CAMK2A: variants seen among roughly 807,000 people sequenced by gnomAD.
CAMK2A encodes calcium/calmodulin dependent protein kinase II alpha.
In CAMK2A, 7 loss-of-function variants were observed where a neutral mutation model predicts 79.2. That is an observed-to-expected ratio of 0.09 (90% CI 0.05 to 0.17). CAMK2A has a LOEUF of 0.17. Ranked by LOEUF, CAMK2A falls within the 10% of genes least tolerant of loss-of-function variation. CAMK2A has a pLI of 1.00. For missense variants in CAMK2A, 214 were observed against 646.4 expected (o/e 0.33, Z 7.25); for synonymous variants, 242 against 251.7 (o/e 0.96, Z 0.36).
intron 14 of CAMK2A, 130 bp from the exon 15 acceptor site, chr5:150,238,878 T>A: frequency 1.4e-6 from 1 of 738,346 alleles, no homozygotes; most frequent in Non-Finnish European, 2.2e-6. Flanking sequence ...GATGCTGTCC[T>A]GAAAACCCTG....
Position 150,239,872 on chromosome 5 carries a change from A to G in CAMK2A, c.985-136T>C, listed in dbSNP as rs1490994244. On this transcript the variant is annotated intron_variant, in intron 13 of 18. Coordinates refer to ENST00000671881, the MANE Select transcript of CAMK2A (RefSeq NM_015981.4). ...CTCTGTAGTCCTTTGTCGGCTTGGC[A>G]TCGGGACAAGGAGTCAAGGAGTCAA... The G allele has an allele frequency of 6.4e-6, 5 of 780,066 alleles. No individual in the cohort carries two copies. The African/African-American group carries it at 8.5e-5, about 13-fold the overall frequency. 48.3% of individuals were successfully genotyped at this position (780,066 alleles called of 1,614,324 possible). A position where few individuals can be genotyped will look rare whatever the true frequency, so the allele number is the denominator to read the frequency against.
At chr5:150,236,826 G>A (rs1755089424) in intron 15 of CAMK2A, among the ~76,000 whole-genome samples, 1 of 152,188 alleles carries the variant, frequency 6.6e-6, no homozygotes, top group South Asian at 2.1e-4. Context: ...CTAGAATGCT[G>A]ACTTGACCCT....
At chr5:150,240,704 C>A (rs2114044003) in intron 13 of CAMK2A, among the ~76,000 whole-genome samples, 1 of 152,340 alleles carries the variant, frequency 6.6e-6, no homozygotes, top group African/African-American at 2.4e-5. Context: ...CAGAGAGGTG[C>A]AGTGGCCTGC....
rs1265889817 is a variant in CAMK2A at position 150,221,192 on chromosome 5, A to T, written c.*1518T>A. 7 of 376,286 alleles carry T rather than the reference A, an allele frequency of 1.9e-5. No homozygotes were observed. The East Asian group carries it at 2.7e-4, about 14-fold the overall frequency. The allele number at this position is 376,286 out of a possible 1,614,324, so 23.3% of individuals were successfully genotyped here. ...TTTCTTCTTTTTGTTTGTTTTCAAC[A>T]TACTTACTGCGTATAAAGTCATGCA... On this transcript the variant is annotated 3_prime_UTR_variant, in exon 19 of 19. Transcript: ENST00000671881.
In CAMK2A at chr5:150,250,668, T is replaced by G; in HGVS notation, c.816+20A>C. Reference sequence around the variant, plus strand: ...GGTCTGGAGGGGCTCCTGGGAGAAGTCCTGCTGAGGAAGGCTCACCGAGAT... The same window carrying G: ...GGTCTGGAGGGGCTCCTGGGAGAAGGCCTGCTGAGGAAGGCTCACCGAGAT... On this transcript the variant is annotated intron_variant, in intron 10 of 18. Coordinates refer to ENST00000671881, the MANE Select transcript of CAMK2A (RefSeq NM_015981.4). The G allele has an allele frequency of 6.2e-7, 1 of 1,613,606 alleles. No individual in the cohort carries two copies. The highest frequency in any genetic ancestry group is 8.5e-7 in the Non-Finnish European group (1 of 1,179,728).
At chr5:150,240,771 T>C (rs1207178064) in intron 13 of CAMK2A, among the ~76,000 whole-genome samples, 1 of 152,206 alleles carries the variant, frequency 6.6e-6, no homozygotes, top group African/African-American at 2.4e-5. Context: ...GGCCCTGCGT[T>C]CAGGCTCTTT....
At chr5:150,288,462 C>T (rs1757523860) in intron 1 of CAMK2A, among the ~76,000 whole-genome samples, 1 of 152,142 alleles carries the variant, frequency 6.6e-6, no homozygotes, top group African/African-American at 2.4e-5. Flanking sequence ...CACACCCTGG[C>T]AGGGCACACC....
chr5:150,264,107 G>T (rs1408747453), intron 3 of CAMK2A, among the ~76,000 whole-genome samples: 1 of 152,182 alleles, frequency 6.6e-6, no homozygotes, highest in Non-Finnish European at 1.5e-5. Context: ...CCTCAGTGCG[G>T]TCTATGAGTC....
chr5:150,233,903 C>A (rs1212016220), intron 15 of CAMK2A, among the ~76,000 whole-genome samples: 5 of 152,172 alleles, frequency 3.3e-5, no homozygotes, highest in Non-Finnish European at 4.4e-5. Flanking sequence ...ACCTCCCCCT[C>A]GTGGGTTCAA....
chr5:150,223,150 G>A lies in CAMK2A; in HGVS notation c.1305C>T (p.Asp435=), dbSNP rs940219305. 14 of 1,614,052 alleles carry A rather than the reference G, an allele frequency of 8.7e-6. No homozygotes were observed. Among genetic ancestry groups the A allele is most frequent in the East Asian group, 2.2e-5 (1 of 44,892 alleles). Residue 435 remains aspartate, a synonymous_variant, in exon 18 of 19, where the codon GAC becomes GAT. Transcript: ENST00000671881. This position sits in a 1 kb window ranked among gnomAD's most constrained non-coding sequence, Gnocchi z 4.1. ...ILNPHIHLMG[D]ESACIAYIRI... Reference sequence around the variant, plus strand: ...GGATGTAGGCGATGCAGGCTGACTCGTCGCCCATCAGGTGGATGTGGGGAT... The same window carrying A: ...GGATGTAGGCGATGCAGGCTGACTCATCGCCCATCAGGTGGATGTGGGGAT...
At chr5:150,246,995 G>A (rs1755599396) in intron 12 of CAMK2A, among the ~76,000 whole-genome samples, 1 of 152,206 alleles carries the variant, frequency 6.6e-6, no homozygotes, top group Non-Finnish European at 1.5e-5. Flanking sequence ...TCCCCAGAAG[G>A]AAGCCTCTGG....
At position 150,223,453 on chromosome 5, in the gene CAMK2A, C is replaced by T. The variant is rs1443697410; in HGVS notation, c.1238-236G>A. 6.6e-6 allele frequency among the ~76,000 whole-genome samples: 1 copy of T among 152,168 alleles called. No individual in the cohort carries two copies. The highest frequency in any genetic ancestry group is 1.9e-4 in the East Asian group (1 of 5,186). On this transcript the variant is annotated intron_variant, in intron 17 of 18. Coordinates refer to ENST00000671881, the MANE Select transcript of CAMK2A (RefSeq NM_015981.4). The surrounding 1 kb of genome is among the most constrained non-coding windows in gnomAD (Gnocchi z 4.1). ...TGGAGTTCAGACATGCAGAATTCAT[C>T]AAACATGAGAAAATGGAATGTTTGA...
chr5:150,221,824 C>A lies in CAMK2A; in HGVS notation c.*886G>T. The A allele has an allele frequency of 2.6e-6, 1 of 390,316 alleles. No individual in the cohort carries two copies. The highest frequency in any genetic ancestry group is 4.5e-6 in the Non-Finnish European group (1 of 221,638). 24.2% of individuals were successfully genotyped at this position (390,316 alleles called of 1,614,324 possible). A position where few individuals can be genotyped will look rare whatever the true frequency, so the allele number is the denominator to read the frequency against. On this transcript the variant is annotated 3_prime_UTR_variant, in exon 19 of 19. Transcript: ENST00000671881. ...TTCCTACACCCCTTCCAACCTGACC[C>A]TTCTCACAATAATCTGAGAAGTCTA...
chr5:150,238,752 C>T lies in CAMK2A; in HGVS notation c.1018-4G>A. On this transcript the variant is annotated splice_region_variant and splice_polypyrimidine_tract_variant and intron_variant, in intron 14 of 18. Transcript: ENST00000671881. Reference sequence around the variant, plus strand: ...TGTTGGTGCTCTCTGAGGATTCCTGCCAAAGAGAATACAGGAGATGGTGAG... The same window carrying T: ...TGTTGGTGCTCTCTGAGGATTCCTGTCAAAGAGAATACAGGAGATGGTGAG... 6.2e-7 allele frequency: 1 copy of T among 1,603,118 alleles called. No individual in the cohort carries two copies. The highest frequency in any genetic ancestry group is 1.1e-5 in the South Asian group (1 of 88,768).
intron 6 of CAMK2A, among the ~76,000 whole-genome samples, chr5:150,255,578 G>A (rs537135160): frequency 6.6e-6 from 1 of 152,364 alleles, no homozygotes; most frequent in East Asian, 1.9e-4. Context: ...GTTCCAAATG[G>A]CAGAACTGAG....
At chr5:150,279,844 A>C (rs2150307962) in intron 1 of CAMK2A, among the ~76,000 whole-genome samples, 1 of 152,348 alleles carries the variant, frequency 6.6e-6, no homozygotes, top group African/African-American at 2.4e-5. Context: ...TGTGAAAAGC[A>C]AGATTCACGC....
intron 7 of CAMK2A, among the ~76,000 whole-genome samples, chr5:150,252,509 G>A (rs959839024): frequency 1.3e-5 from 2 of 152,206 alleles, no homozygotes; most frequent in African/African-American, 4.8e-5. Flanking sequence ...TTGGTCATGG[G>A]ATGTCGGGAG....
intron 12 of CAMK2A, chr5:150,245,451 G>T (rs775805527): frequency 2.2e-4 from 118 of 533,214 alleles, no homozygotes; most frequent in Non-Finnish European, 3.6e-4. Flanking sequence ...TGGCTTCATG[G>T]GTTGAGGGAG....
Position 150,271,676 on chromosome 5 carries a change from A to G in CAMK2A, c.157+1389T>C, listed in dbSNP as rs534185810. Among the ~76,000 whole-genome samples, 564 of 152,328 alleles carry G rather than the reference A, an allele frequency of 3.7e-3. 1 individual carries two copies. Among genetic ancestry groups the G allele is most frequent in the Non-Finnish European group, 5.6e-3 (381 of 68,024 alleles). ...TTCCCTCCACCACCAGGCGGTCCCA[A>G]GGAAAGCTTATACACCATTTCATTC... On this transcript the variant is annotated intron_variant, in intron 2 of 18. Transcript: ENST00000671881.
Sources: gnomAD v4.1 joint callset for allele counts (sites outside exome capture counted in the v4.1 genomes callset) on GRCh38, gnomAD v4.1.1 for gene constraint, Gnocchi (gnomAD v3.1) non-coding constraint, MANE v1.5 for transcripts, NCBI Gene and HGNC (gene_info 2026-07-23, HGNC 2026-07-21) for gene names.